Variants in GCNT1 observed in about 807,000 individuals in gnomAD.
The protein encoded by GCNT1 is glucosaminyl (N-acetyl) transferase 1.
In GCNT1, 16 loss-of-function variants were observed where a neutral mutation model predicts 26.2. The ratio of observed to expected loss-of-function variants is 0.61; its 90% CI spans 0.41 to 0.93. The LOEUF is 0.93. Among genes scored for constraint, GCNT1 ranks in the 40% least tolerant of loss-of-function variants. The pLI, the probability that GCNT1 is intolerant of heterozygous loss-of-function variation, is 0.00. For missense variants in GCNT1, 477 were observed against 526.7 expected, an observed-to-expected ratio of 0.91 and a Z score of 0.92; for synonymous variants, 183 against 190.8, an observed-to-expected ratio of 0.96 and a Z score of 0.34.
chr9:76,469,473 T>G (rs533857634), intron 2 of GCNT1, among the ~76,000 whole-genome samples: 1 of 152,200 alleles, frequency 6.6e-6, no homozygotes, highest in Admixed American at 6.5e-5. Context: ...ACCCAGGCAT[T>G]CCAGCCAGCA....
intron 2 of GCNT1, among the ~76,000 whole-genome samples, chr9:76,486,979 G>A (rs1472042691): frequency 1.3e-5 from 2 of 152,166 alleles, no homozygotes; most frequent in African/African-American, 2.4e-5. Flanking sequence ...AGCTTGGCCG[G>A]TTCCTCATGG....
chr9:76,481,283 G>C (rs1283129671), intron 2 of GCNT1, among the ~76,000 whole-genome samples: 1 of 151,748 alleles, frequency 6.6e-6, no homozygotes, highest in African/African-American at 2.4e-5. Flanking sequence ...ATGGAGAAAA[G>C]GAAATTCCTG....
chr9:76,459,541 G>C (rs111645398), intron 1 of GCNT1, among the ~76,000 whole-genome samples: 2 of 152,292 alleles, frequency 1.3e-5, no homozygotes, highest in African/African-American at 4.8e-5. Context: ...CCGGTGCCCC[G>C]TGTCCCCTGA....
At chr9:76,414,944 C>G (rs1306373417), upstream of GCNT1, among the ~76,000 whole-genome samples, 2 of 152,148 alleles carry the variant, frequency 1.3e-5, no homozygotes, top group African/African-American at 4.8e-5. Flanking sequence ...CCAAGCAGGT[C>G]TGGGCTTTAT....
chr9:76,487,556 G>A (rs1824612810), intron 2 of GCNT1, among the ~76,000 whole-genome samples: 2 of 152,142 alleles, frequency 1.3e-5, no homozygotes, highest in African/African-American at 4.8e-5. Context: ...ACCGCGCCCA[G>A]CCAGTTTTGT....
chr9:76,438,616 G>A (rs1357820262), upstream of GCNT1, among the ~76,000 whole-genome samples: 1 of 151,912 alleles, frequency 6.6e-6, no homozygotes, highest in Non-Finnish European at 1.5e-5. Flanking sequence ...GATGATTAGG[G>A]GAGCTTAGAA....
the GCNT1 span, among the ~76,000 whole-genome samples, chr9:76,410,090 A>G: frequency 6.6e-6 from 1 of 152,128 alleles, no homozygotes; most frequent in Non-Finnish European, 1.5e-5. Flanking sequence ...ACTGGTTTCT[A>G]GTTTAATTCC....
intron 2 of GCNT1, among the ~76,000 whole-genome samples, chr9:76,478,693 C>T (rs554300434): frequency 9.9e-5 from 15 of 152,284 alleles, no homozygotes; most frequent in African/African-American, 2.9e-4. Flanking sequence ...AATACTGATC[C>T]GTTGTATGGA....
chr9:76,464,747 T>A (rs1266879741), intron 2 of GCNT1, among the ~76,000 whole-genome samples: 1 of 152,168 alleles, frequency 6.6e-6, no homozygotes, highest in Non-Finnish European at 1.5e-5. Context: ...AAGTCCTGAG[T>A]CCTTCATGTT....
chr9:76,481,586 A>G (rs1358686366), intron 2 of GCNT1, among the ~76,000 whole-genome samples: 1 of 152,108 alleles, frequency 6.6e-6, no homozygotes, highest in Non-Finnish European at 1.5e-5. Flanking sequence ...AGCCATCTTT[A>G]TAGGTCTTAA....
chr9:76,455,586 T>C (rs1823744947), upstream of GCNT1, among the ~76,000 whole-genome samples: 1 of 152,140 alleles, frequency 6.6e-6, no homozygotes, highest in Admixed American at 6.6e-5. Context: ...CCTTACTTTT[T>C]TTTTAATTTA....
At chr9:76,437,704 C>A (rs556586001), upstream of GCNT1, among the ~76,000 whole-genome samples, 135 of 152,080 alleles carry the variant, frequency 8.9e-4, no homozygotes, top group African/African-American at 3.2e-3. Flanking sequence ...GGATCAGGAC[C>A]CCTTTCTGGT....
intron 2 of GCNT1, among the ~76,000 whole-genome samples, chr9:76,488,387 A>G (rs1434746933): frequency 6.6e-6 from 1 of 151,902 alleles, no homozygotes; most frequent in Non-Finnish European, 1.5e-5. Context: ...CTAGTTCTCT[A>G]AATTACTGTA....
chr9:76,425,139 A>T, intron 1 of GCNT1, among the ~76,000 whole-genome samples: 1 of 40,130 alleles, frequency 2.5e-5, no homozygotes, highest in African/African-American at 7.3e-5. Flanking sequence ...ACTCCGTCTA[A>T]AAAAAAAAAA....
intron 2 of GCNT1, among the ~76,000 whole-genome samples, chr9:76,469,306 C>T (rs1184011464): frequency 6.6e-6 from 1 of 152,200 alleles, no homozygotes; most frequent in Non-Finnish European, 1.5e-5. Flanking sequence ...ACCGCATCCA[C>T]CTTTAAACAT....
At chr9:76,432,852 C>G (rs79493834) in intron 1 of GCNT1, among the ~76,000 whole-genome samples, 3,893 of 152,152 alleles carry the variant, frequency 0.026, 159 homozygotes, top group African/African-American at 0.088. Context: ...CACCCTTCAC[C>G]TATTTTATAT....
At chr9:76,418,252 T>A (rs900436419), upstream of GCNT1, among the ~76,000 whole-genome samples, 14 of 152,078 alleles carry the variant, frequency 9.2e-5, no homozygotes, top group African/African-American at 3.1e-4. Flanking sequence ...CAATAAGAGG[T>A]TGTGGAAACC....
At chr9:76,404,547 T>G in the GCNT1 span, among the ~76,000 whole-genome samples, 2 of 152,186 alleles carry the variant, frequency 1.3e-5, no homozygotes, top group South Asian at 4.1e-4. Context: ...GGTTGTGAAA[T>G]TTGACCAATA....
At position 76,503,176 on chromosome 9, in the gene GCNT1, G is replaced by A. The variant is rs41288759; in HGVS notation, c.795G>A (p.Lys265=). 8,164 of 1,614,172 alleles carry A rather than the reference G, an allele frequency of 5.1e-3. 35 individuals are homozygous for A. Among genetic ancestry groups the A allele is most frequent in the Non-Finnish European group, 6.2e-3 (7,318 of 1,180,016 alleles). ...WKKRYEVVNG[K]LTNTGTVKML... The stretch of plus-strand genomic sequence containing the variant: ...AGCGGTATGAGGTCGTTAATGGAAA[G>A]CTGACAAACACAGGGACTGTCAAAA... Residue 265 remains lysine (K), a synonymous_variant, in exon 4 of 4, where the codon AAG becomes AAA. Coordinates refer to ENST00000376730, the MANE Select transcript of GCNT1 (RefSeq NM_001490.5).
Sources: allele counts gnomAD v4.1 joint callset (sites outside exome capture counted in the v4.1 genomes callset), GRCh38; gene constraint gnomAD v4.1.1; transcripts MANE v1.5; gene names NCBI Gene and HGNC (gene_info 2026-07-23, HGNC 2026-07-21).